TBC1D22B: variants seen among roughly 807,000 people sequenced by gnomAD.
TBC1D22B encodes TBC1 domain family member 22B, also known as chromosome 6 open reading frame 197.
A neutral mutation model predicts 69.1 loss-of-function variants in TBC1D22B; 32 were observed. That is an observed-to-expected ratio of 0.46 (90% CI 0.35 to 0.62). TBC1D22B has a LOEUF of 0.62. Among genes scored for constraint, TBC1D22B ranks in the 20% least tolerant of loss-of-function variants. TBC1D22B has a pLI of 0.00. For synonymous variants in TBC1D22B, 206 were observed against 229.8 expected (o/e 0.90, Z 0.94); for missense variants, 462 against 630.9 (o/e 0.73, Z 2.87).
intron 8 of TBC1D22B, among the ~76,000 whole-genome samples, chr6:37,310,240 AC>A (rs1767862667): frequency 1.3e-5 from 2 of 149,768 alleles, no homozygotes; most frequent in East Asian, 1.9e-4. Context: ...ATATAAAAAA[AC>A]AAAAAAACCT....
chr6:37,329,512 T>G (rs983041068), intron 12 of TBC1D22B, among the ~76,000 whole-genome samples: 6 of 152,198 alleles, frequency 3.9e-5, no homozygotes, highest in African/African-American at 1.4e-4. Context: ...AGAAGCAGAG[T>G]TGCTGGATGA....
At chr6:37,266,497 T>G (rs540474033) in intron 1 of TBC1D22B, among the ~76,000 whole-genome samples, 6 of 148,170 alleles carry the variant, frequency 4.0e-5, no homozygotes, top group African/African-American at 1.5e-4. Flanking sequence ...AGTCTTGCTC[T>G]GTCCCCCAAG....
intron 8 of TBC1D22B, among the ~76,000 whole-genome samples, chr6:37,298,947 T>G (rs1435904565): frequency 3.9e-5 from 6 of 152,212 alleles, no homozygotes; most frequent in Non-Finnish European, 1.5e-5. Context: ...TCTGAAAGAG[T>G]CCTAGAAGTG....
rs148735294 is a variant in TBC1D22B at position 37,294,280 on chromosome 6, C to T, written c.982+2923C>T. ...CTTATACTCTGGCTAAAGCAATCCT[C>T]CTGCCCCTCCGAGTAGCTAGAACTG... On this transcript the variant is annotated intron_variant, in intron 8 of 12. Transcript: ENST00000373491. Among the ~76,000 whole-genome samples, 735 of 152,204 alleles carry T rather than the reference C, an allele frequency of 4.8e-3. 7 individuals carry two copies. Among genetic ancestry groups the T allele is most frequent in the Non-Finnish European group, 8.1e-3 (554 of 68,026 alleles).
intron 2 of TBC1D22B, among the ~76,000 whole-genome samples, chr6:37,276,784 A>C (rs967123474): frequency 6.6e-6 from 1 of 152,118 alleles, no homozygotes; most frequent in African/African-American, 2.4e-5. Flanking sequence ...CCAGCTACTC[A>C]GGAGGCTGAG....
At chr6:37,267,502 CTATA>C (rs112594532) in intron 1 of TBC1D22B, among the ~76,000 whole-genome samples, 6 of 3,372 alleles carry the variant, frequency 1.8e-3, no homozygotes, top group African/African-American at 2.9e-3. Flanking sequence ...TATATATACA[CTATA>C]TATATAATAT....
Position 37,312,816 on chromosome 6 carries a change from C to G in TBC1D22B, c.983-102C>G, listed in dbSNP as rs532401216. ...TTTCTTAACATCAGGTTAGCCTGGT[C>G]CTCACTTGGCCTTAAAGACCCCATT... is the stretch of plus-strand genomic sequence containing the variant. On this transcript the variant is annotated intron_variant, in intron 8 of 12. Coordinates refer to ENST00000373491, the MANE Select transcript of TBC1D22B (RefSeq NM_017772.4). 1.4e-5 allele frequency: 13 copies of G among 908,078 alleles called. No homozygotes were observed. In the African/African-American group the frequency reaches 1.6e-4, roughly 11 times the overall value. 56.3% of individuals were successfully genotyped at this position (908,078 alleles called of 1,614,324 possible). A position where few individuals can be genotyped will look rare whatever the true frequency, so the allele number is the denominator to read the frequency against.
intron 12 of TBC1D22B, among the ~76,000 whole-genome samples, chr6:37,322,805 A>C (rs1015917907): frequency 1.3e-5 from 2 of 152,184 alleles, no homozygotes; most frequent in African/African-American, 4.8e-5. Context: ...GCAGCACCAC[A>C]TAATTACAAC....
At chr6:37,326,918 C>T (rs1419905890) in intron 12 of TBC1D22B, among the ~76,000 whole-genome samples, 1 of 152,144 alleles carries the variant, frequency 6.6e-6, no homozygotes, top group Non-Finnish European at 1.5e-5. Context: ...TGATGGGGTT[C>T]ACCAGACAGC....
At chr6:37,267,619 T>C (rs1464225608) in intron 1 of TBC1D22B, among the ~76,000 whole-genome samples, 2 of 150,350 alleles carry the variant, frequency 1.3e-5, no homozygotes, top group East Asian at 1.9e-4. Context: ...ATTTTAGTGA[T>C]TGTGTTTATA....
At chr6:37,276,344 C>G (rs1407024737) in intron 2 of TBC1D22B, among the ~76,000 whole-genome samples, 1 of 152,104 alleles carries the variant, frequency 6.6e-6, no homozygotes, top group Non-Finnish European at 1.5e-5. Flanking sequence ...TGAAACCAAC[C>G]CCTTCCTCCA....
rs1332236795 is a variant in TBC1D22B at position 37,317,317 on chromosome 6, A to T, written c.1389+111A>T. Reference sequence around the variant, plus strand: ...CCATAGCAGGTACCTGGCTGGGAGTAGGAAGGGAGAAGGGGTGCTCTGAAG... The same window carrying T: ...CCATAGCAGGTACCTGGCTGGGAGTTGGAAGGGAGAAGGGGTGCTCTGAAG... On this transcript the variant is annotated intron_variant, in intron 12 of 12. Transcript: ENST00000373491. 2.7e-6 allele frequency: 3 copies of T among 1,091,754 alleles called. No individual in the cohort carries two copies. In the African/African-American group the frequency reaches 4.7e-5, roughly 17 times the overall value. The allele number at this position is 1,091,754 out of a possible 1,614,324, so 67.6% of individuals were successfully genotyped here.
intron 2 of TBC1D22B, 90 bp from the exon 3 acceptor site, chr6:37,279,214 T>G: frequency 7.9e-7 from 1 of 1,271,158 alleles, no homozygotes; most frequent in Non-Finnish European, 1.1e-6. Context: ...ATGTGGTAGT[T>G]TGTAATTTAT....
chr6:37,299,879 G>A (rs968258592), intron 8 of TBC1D22B, among the ~76,000 whole-genome samples: 19 of 152,076 alleles, frequency 1.2e-4, no homozygotes, highest in Non-Finnish European at 2.4e-4. Flanking sequence ...CATGGTGGCG[G>A]CTGCCTGTTA....
intron 11 of TBC1D22B, 103 bp from the exon 12 acceptor site, chr6:37,317,008 C>T (rs970796634): frequency 1.4e-6 from 2 of 1,459,732 alleles, no homozygotes; most frequent in Admixed American, 2.0e-5. Context: ...ATCTCCCCAA[C>T]CGTGAAAGAG....
chr6:37,325,997 C>T (rs1768390613), intron 12 of TBC1D22B, among the ~76,000 whole-genome samples: 1 of 152,114 alleles, frequency 6.6e-6, no homozygotes, highest in Admixed American at 6.5e-5. Context: ...GGGACATTCA[C>T]TTGTGCAGGG....
intron 2 of TBC1D22B, among the ~76,000 whole-genome samples, chr6:37,274,328 T>A (rs1766597399): frequency 1.3e-5 from 2 of 152,250 alleles, no homozygotes; most frequent in Admixed American, 1.3e-4. Context: ...GACAGTGTAG[T>A]ATGATCAAAT....
At chr6:37,330,150 G>A (rs1218246969) in intron 12 of TBC1D22B, among the ~76,000 whole-genome samples, 1 of 148,244 alleles carries the variant, frequency 6.7e-6, no homozygotes, top group Non-Finnish European at 1.5e-5. Context: ...TTACTGATTT[G>A]TAGGCAGTCC....
rs149995165 is a variant in TBC1D22B, at chr6:37,275,966, C to CT, written c.114-3323dup. On this transcript the variant is annotated intron_variant, in intron 2 of 12. Transcript: ENST00000373491. ...TGCTGTTTCATTCTTTTCTTTTTTT[C>CT]TTTTTTTTTTTTTTTGGAGATGGAG... Among the ~76,000 whole-genome samples the CT allele has an allele frequency of 5.3e-3, 712 of 133,136 alleles. 5 individuals carry two copies. Among genetic ancestry groups the CT allele is most frequent in the Non-Finnish European group, 7.4e-3 (452 of 61,344 alleles). 87.3% of individuals were successfully genotyped at this position (133,136 alleles called of 152,430 possible).
Sources: gnomAD v4.1 joint callset for allele counts (sites outside exome capture counted in the v4.1 genomes callset) on GRCh38, gnomAD v4.1.1 for gene constraint, MANE v1.5 for transcripts, NCBI Gene and HGNC (gene_info 2026-07-23, HGNC 2026-07-21) for gene names.